Variants in LIN7A observed in about 807,000 individuals in gnomAD.
LIN7A encodes the protein lin-7 cell polarity scaffold A.
A neutral mutation model predicts 29.8 loss-of-function variants in LIN7A; 25 were observed. The ratio of observed to expected loss-of-function variants is 0.84; its 90% confidence interval spans 0.61 to 1.17. The LOEUF is 1.17. Ranked by LOEUF, LIN7A falls within the 50% of genes most tolerant of loss-of-function variation. The pLI is 0.00. For synonymous variants in LIN7A, 118 were observed against 107.5 expected (o/e 1.10, Z -0.60); for missense variants, 239 against 287.0 (o/e 0.83, Z 1.21).
chr12:80,923,207 T>C (rs1026646213), intron 1 of LIN7A, among the ~76,000 whole-genome samples: 1 of 152,178 alleles, frequency 6.6e-6, no homozygotes, highest in Non-Finnish European at 1.5e-5. Context: ...AACTGCAGTT[T>C]CTCTGGTTTC....
At chr12:80,878,058 G>A (rs566775616) in intron 2 of LIN7A, among the ~76,000 whole-genome samples, 31 of 152,252 alleles carry the variant, frequency 2.0e-4, no homozygotes, top group Non-Finnish European at 4.4e-4. Context: ...AATACGCACT[G>A]TTTATTTTAT....
intron 4 of LIN7A, among the ~76,000 whole-genome samples, chr12:80,824,281 C>T (rs894953654): frequency 2.0e-5 from 3 of 152,020 alleles, no homozygotes; most frequent in South Asian, 2.1e-4. Context: ...TGGATAAATT[C>T]CTGGAAATGT....
intron 2 of LIN7A, among the ~76,000 whole-genome samples, chr12:80,866,173 A>T (rs2120452972): frequency 6.6e-6 from 1 of 152,332 alleles, no homozygotes; most frequent in East Asian, 1.9e-4. Context: ...TAAAGATGAA[A>T]GGAGTCTCTC....
intron 1 of LIN7A, among the ~76,000 whole-genome samples, chr12:80,912,258 A>C (rs1876786638): frequency 6.6e-6 from 1 of 151,434 alleles, no homozygotes; most frequent in South Asian, 2.1e-4. Flanking sequence ...TGTTTACCTG[A>C]AAATCATTAG....
At chr12:80,866,749 A>C (rs1874157387) in intron 2 of LIN7A, among the ~76,000 whole-genome samples, 1 of 152,160 alleles carries the variant, frequency 6.6e-6, no homozygotes, top group African/African-American at 2.4e-5. Context: ...TGAAAGTTCA[A>C]GGTAAAGAAA....
At chr12:80,878,617 G>C (rs925476883) in intron 2 of LIN7A, among the ~76,000 whole-genome samples, 10 of 152,170 alleles carry the variant, frequency 6.6e-5, no homozygotes, top group African/African-American at 1.7e-4. Context: ...GATCTGAGCG[G>C]GTTGCTGCTG....
chr12:80,853,292 T>C (rs1242718049), intron 2 of LIN7A, among the ~76,000 whole-genome samples: 1 of 151,678 alleles, frequency 6.6e-6, no homozygotes, highest in Non-Finnish European at 1.5e-5. Context: ...AATTTGTTAA[T>C]ATGAGGGCCT....
Position 80,807,064 on chromosome 12 carries a change from T to TTTTTTTTTGTTTTTTTG in LIN7A, c.*4400_*4401insCAAAAAAACAAAAAAAA, listed in dbSNP as rs1592848175. Among the ~76,000 whole-genome samples the TTTTTTTTTGTTTTTTTG allele has an allele frequency of 8.0e-5, 3 of 37,406 alleles. 1 individual carries two copies. The highest frequency in any genetic ancestry group is 3.8e-4 in the African/African-American group (3 of 7,836). The allele number at this position is 37,406 out of a possible 152,430, so 24.5% of individuals were successfully genotyped here. A position where few individuals can be genotyped will look rare whatever the true frequency, so the allele number is the denominator to read the frequency against. Reference sequence around the variant, plus strand: ...CATAGGAAATTTAATGAAGATGGAGTTTTTTTTTTTTTTTTTTTTTTTTTT... The same window carrying TTTTTTTTTGTTTTTTTG: ...CATAGGAAATTTAATGAAGATGGAGTTTTTTTTTGTTTTTTTGTTTTTTTTTTTTTTTTTTTTTTTTT... On this transcript the variant is annotated intron_variant, in intron 5 of 5. Transcript: ENST00000552864.
At chr12:80,845,599 A>T in intron 4 of LIN7A, 131 bp downstream of exon 4, 1 of 663,212 alleles carries the variant, frequency 1.5e-6, no homozygotes, top group African/African-American at 1.8e-5. Context: ...ATATCCATCA[A>T]TGCTTAGAAA....
chr12:80,857,252 C>T (rs146899846), intron 2 of LIN7A, among the ~76,000 whole-genome samples: 420 of 152,262 alleles, frequency 2.8e-3, no homozygotes, highest in African/African-American at 9.3e-3. Context: ...TTTACTTAGG[C>T]ATCTGGGCCC....
At chr12:80,798,087 C>T (rs1349660913) in intron 5 of LIN7A, among the ~76,000 whole-genome samples, 1 of 152,154 alleles carries the variant, frequency 6.6e-6, no homozygotes. Context: ...TTTAGTAGTG[C>T]TTTTGTTGAG....
intron 4 of LIN7A, among the ~76,000 whole-genome samples, chr12:80,812,469 A>C (rs1408248058): frequency 9.2e-6 from 1 of 108,314 alleles, no homozygotes; most frequent in African/African-American, 3.7e-5. Flanking sequence ...AAAAAAAAAA[A>C]AAAAAAGGCA....
At chr12:80,876,275 A>G (rs1474163371) in intron 2 of LIN7A, among the ~76,000 whole-genome samples, 1 of 152,166 alleles carries the variant, frequency 6.6e-6, no homozygotes, top group Non-Finnish European at 1.5e-5. Context: ...GAGAACCTAG[A>G]AACAGATTCC....
intron 2 of LIN7A, among the ~76,000 whole-genome samples, chr12:80,883,974 A>G (rs1388643077): frequency 2.0e-5 from 3 of 152,124 alleles, no homozygotes; most frequent in Non-Finnish European, 4.4e-5. Flanking sequence ...AGACGGATAA[A>G]CTCCAAATAG....
intron 2 of LIN7A, among the ~76,000 whole-genome samples, chr12:80,872,941 C>T (rs1363621263): frequency 1.3e-5 from 2 of 152,178 alleles, no homozygotes; most frequent in Non-Finnish European, 2.9e-5. Flanking sequence ...ATCAGTTGCA[C>T]TGTAAGGTAG....
At chr12:80,897,559 C>A (rs1204587555) in intron 1 of LIN7A, among the ~76,000 whole-genome samples, 1 of 152,086 alleles carries the variant, frequency 6.6e-6, no homozygotes, top group Non-Finnish European at 1.5e-5. Context: ...GTAATCCCAG[C>A]ACTTTGAGAG....
intron 4 of LIN7A, among the ~76,000 whole-genome samples, chr12:80,826,415 G>A (rs78329883): frequency 0.018 from 2,688 of 152,140 alleles, 65 homozygotes; most frequent in African/African-American, 0.061. Context: ...ATATTAATGC[G>A]TCAATTACCA....
intron 2 of LIN7A, among the ~76,000 whole-genome samples, chr12:80,879,642 G>C: frequency 2.6e-5 from 1 of 38,352 alleles, no homozygotes; most frequent in African/African-American, 6.4e-5. Context: ...CTATGGAGCA[G>C]CCCAAAAAAA....
At chr12:80,799,201 T>G (rs1870601714) in intron 5 of LIN7A, among the ~76,000 whole-genome samples, 2 of 152,224 alleles carry the variant, frequency 1.3e-5, no homozygotes, top group African/African-American at 4.8e-5. Flanking sequence ...CTGACATACC[T>G]GTTGGGAAGA....
Sources: gnomAD v4.1 joint callset for allele counts (sites outside exome capture counted in the v4.1 genomes callset) on GRCh38, gnomAD v4.1.1 for gene constraint, MANE v1.5 for transcripts, NCBI Gene and HGNC (gene_info 2026-07-23, HGNC 2026-07-21) for gene names.